Variants in DOCK11 observed in about 807,000 individuals in gnomAD.
DOCK11 encodes dedicator of cytokinesis protein 11.
DOCK11 carries 70 observed loss-of-function variants against 169.1 expected under a neutral mutation model. The ratio of observed to expected loss-of-function variants is 0.41; its 90% CI spans 0.34 to 0.51. The LOEUF is 0.51. Ranked by LOEUF, DOCK11 falls within the 20% of genes least tolerant of loss-of-function variation. DOCK11 has a pLI of 0.10. For synonymous variants in DOCK11, 529 were observed against 541.3 expected (o/e 0.98, Z 0.32); for missense variants, 1,166 against 1,538.8 (o/e 0.76, Z 4.05).
At chrX:118,579,983 T>C (rs2013572636) in intron 13 of DOCK11, 114 bp from the exon 14 acceptor site, 3 of 547,487 alleles carry the variant, frequency 5.5e-6, no homozygotes, top group Non-Finnish European at 5.6e-6. Context: ...TATTTCTATA[T>C]ATTTTTTTGA....
At chrX:118,661,460 AT>A (rs1352725676) in intron 44 of DOCK11, among the ~76,000 whole-genome samples, 5 of 108,089 alleles carry the variant, frequency 4.6e-5, no homozygotes, top group African/African-American at 6.7e-5. Context: ...ATGAGGTCTG[AT>A]TTTTTTTTTA....
At chrX:118,655,325 T>TA (rs141188949) in intron 44 of DOCK11, among the ~76,000 whole-genome samples, 33 of 106,622 alleles carry the variant, frequency 3.1e-4, no homozygotes, top group East Asian at 1.8e-3. Flanking sequence ...ATATAAAATA[T>TA]AAAAAAAAAA....
intron 40 of DOCK11, among the ~76,000 whole-genome samples, chrX:118,645,292 C>G (rs1220195374): frequency 8.9e-6 from 1 of 111,819 alleles, no homozygotes; most frequent in Non-Finnish European, 1.9e-5. Context: ...AAGTGCTGTA[C>G]TAGGTCCTGT....
At chrX:118,678,625 A>G (rs1276247616) in intron 48 of DOCK11, among the ~76,000 whole-genome samples, 1 of 109,615 alleles carries the variant, frequency 9.1e-6, no homozygotes, top group African/African-American at 3.3e-5. Flanking sequence ...GTCGCTCACC[A>G]CCACACCTGG....
intron 6 of DOCK11, among the ~76,000 whole-genome samples, chrX:118,558,754 G>A (rs1370898104): frequency 8.9e-6 from 1 of 112,447 alleles, no homozygotes; most frequent in East Asian, 2.8e-4. Flanking sequence ...TGTCCAAACT[G>A]TGTGTTTCTA....
At chrX:118,586,470 A>G (rs2013818634) in intron 16 of DOCK11, among the ~76,000 whole-genome samples, 5 of 111,250 alleles carry the variant, frequency 4.5e-5, no homozygotes, top group Non-Finnish European at 9.4e-5. Flanking sequence ...CTCACTCACT[A>G]TCACAAGAAC....
At chrX:118,648,185 TATA>T (rs1427173817) in intron 40 of DOCK11, among the ~76,000 whole-genome samples, 47 of 72,594 alleles carry the variant, frequency 6.5e-4, no homozygotes, top group Non-Finnish European at 2.1e-4. Context: ...AATAGTAATA[TATA>T]ATAATATAAT....
chrX:118,568,231 T>C, intron 10 of DOCK11, 69 bp downstream of exon 10: 1 of 689,580 alleles, frequency 1.5e-6, no homozygotes, highest in South Asian at 3.7e-5. Flanking sequence ...ATCTTTGAAA[T>C]GTTGAAATCA....
intron 4 of DOCK11, 112 bp downstream of exon 4, chrX:118,543,705 CT>C (rs1261125444): frequency 1.8e-6 from 1 of 544,566 alleles, no homozygotes; most frequent in East Asian, 4.0e-5. Context: ...AATCCCAGCA[CT>C]TTGGGAGGCC....
chrX:118,545,972 A>T, intron 5 of DOCK11, 49 bp from the exon 6 acceptor site: 1 of 938,870 alleles, frequency 1.1e-6, no homozygotes, highest in Non-Finnish European at 1.5e-6. Context: ...TTCGCTAATT[A>T]GATGGCAGGC....
chrX:118,636,881 T>G (rs1216838891), intron 36 of DOCK11, among the ~76,000 whole-genome samples: 2 of 111,766 alleles, frequency 1.8e-5, no homozygotes, highest in Non-Finnish European at 3.8e-5. Context: ...ATGTATGTAT[T>G]CCAAGACTCT....
At chrX:118,533,184 G>C (rs1258779258) in intron 1 of DOCK11, among the ~76,000 whole-genome samples, 3 of 110,937 alleles carry the variant, frequency 2.7e-5, no homozygotes, top group Non-Finnish European at 5.7e-5. Context: ...TAGAGACAGG[G>C]TTTCACCATG....
rs1480927652 is a variant in DOCK11 at position 118,648,658 on chromosome X, A to G, written c.4399-287A>G. On this transcript the variant is annotated intron_variant, in intron 40 of 52. Coordinates refer to ENST00000276202, the MANE Select transcript of DOCK11 (RefSeq NM_144658.4). Reference sequence around the variant, plus strand: ...TATATAATAGATATAATATAATACTATAATATGTTGCAGACTCTCGAGCTC... The same window carrying G: ...TATATAATAGATATAATATAATACTGTAATATGTTGCAGACTCTCGAGCTC... Among the ~76,000 whole-genome samples the G allele has an allele frequency of 2.9e-5, 3 of 102,396 alleles. No homozygotes were observed. The Admixed American group carries it at 3.5e-4, about 12-fold the overall frequency. 88.9% of individuals were successfully genotyped at this position (102,396 alleles called of 115,157 possible).
chrX:118,528,250 C>T (rs1210695412), intron 1 of DOCK11, among the ~76,000 whole-genome samples: 4 of 112,346 alleles, frequency 3.6e-5, no homozygotes, highest in African/African-American at 1.3e-4. Context: ...TGAATGAAGC[C>T]GCCCCACCCC....
intron 52 of DOCK11, among the ~76,000 whole-genome samples, chrX:118,684,184 T>C (rs2016803394): frequency 9.0e-6 from 1 of 111,382 alleles, no homozygotes; most frequent in South Asian, 3.7e-4. Context: ...GGATATTCCT[T>C]GTCCCCTTTC....
intron 44 of DOCK11, among the ~76,000 whole-genome samples, chrX:118,656,517 C>G (rs747175037): frequency 4.5e-4 from 50 of 110,877 alleles, no homozygotes; most frequent in Non-Finnish European, 1.5e-4. Context: ...TTTTAAAAAT[C>G]ACTGGTATGC....
At chrX:118,676,822 G>A in intron 48 of DOCK11, 85 bp downstream of exon 48, 2 of 882,879 alleles carry the variant, frequency 2.3e-6, no homozygotes, top group East Asian at 3.3e-5. Flanking sequence ...TTTTTAACTG[G>A]TAGAGAAGCA....
chrX:118,557,759 G>T (rs2012753577), intron 6 of DOCK11, among the ~76,000 whole-genome samples: 1 of 38,056 alleles, frequency 2.6e-5, no homozygotes, highest in Non-Finnish European at 4.1e-5. Flanking sequence ...ATGAGACTCT[G>T]TCTCAAAAAA....
intron 23 of DOCK11, among the ~76,000 whole-genome samples, chrX:118,603,584 CCATGAT>C (rs1366960547): frequency 3.6e-5 from 4 of 112,186 alleles, no homozygotes; most frequent in African/African-American, 1.3e-4. Flanking sequence ...TTTGTATATT[CCATGAT>C]CATGCTATTT....
Sources: allele counts gnomAD v4.1 joint callset (sites outside exome capture counted in the v4.1 genomes callset), GRCh38; gene constraint gnomAD v4.1.1; transcripts MANE v1.5; gene names NCBI Gene and HGNC (gene_info 2026-07-23, HGNC 2026-07-21).